AGGF1: variants seen among roughly 807,000 people sequenced by gnomAD.
The protein encoded by AGGF1 is angiogenic factor with G-patch and FHA domains 1, also known as angiogenic factor with G patch and FHA domains 1.
A neutral mutation model predicts 86.5 loss-of-function variants in AGGF1; 56 were observed. That is an observed-to-expected ratio of 0.65 (90% CI 0.52 to 0.81). The LOEUF (loss-of-function observed/expected upper bound fraction) is 0.81, where lower values mean the gene tolerates loss of function less well. AGGF1 is among the 30% of genes least tolerant of loss of function. The pLI, the probability that AGGF1 is intolerant of heterozygous loss-of-function variation, is 0.00. For synonymous variants in AGGF1, 313 were observed against 297.1 expected, an observed-to-expected ratio of 1.05 and a Z score of -0.55; for missense variants, 816 against 850.9, an observed-to-expected ratio of 0.96 and a Z score of 0.51.
At position 77,046,505 on chromosome 5, in the gene AGGF1, G is replaced by C. The variant is rs762865344; in HGVS notation, c.1029G>C (p.Glu343Asp). 1.4e-5 allele frequency: 22 copies of C among 1,613,906 alleles called. No homozygotes were observed. Among genetic ancestry groups the C allele is most frequent in the Non-Finnish European group, 1.8e-5 (21 of 1,179,972 alleles). Residue 343 changes from glutamate to aspartate, a missense_variant, in exon 6 of 14, where the codon GAG becomes GAC. Glu to Asp is a conservative substitution (Grantham distance 45, BLOSUM62 2). Around this residue, in one of 3 missense-constraint regions of AGGF1, gnomAD observed 565 missense variants for 585.8 expected, o/e 0.96. Coordinates refer to ENST00000312916, the MANE Select transcript of AGGF1 (RefSeq NM_018046.5). ...TTCCAACTAGTGGAAATACTATAGA[G>C]TCTCCTCTTCATGAAAACATCTCTA... ...VTVPTSGNTI[E>D]SPLHENISNS...
In AGGF1 at chr5:77,063,310, T is replaced by C; in HGVS notation, c.*58T>C. On this transcript the variant is annotated 3_prime_UTR_variant, in exon 14 of 14. Transcript: ENST00000312916. ...TTTAAAAATAGAATTTGGAAACTTA[T>C]TTTTTCTCCCCAAAAGAATCAGCAG... 1 of 1,504,342 alleles carries C rather than the reference T, an allele frequency of 6.6e-7. No individual in the cohort carries two copies. Among genetic ancestry groups the C allele is most frequent in the East Asian group, 2.4e-5 (1 of 42,506 alleles). The allele number at this position is 1,504,342 out of a possible 1,614,324, so 93.2% of individuals were successfully genotyped here.
At chr5:77,043,664 G>T (rs1747185484) in intron 5 of AGGF1, among the ~76,000 whole-genome samples, 1 of 142,756 alleles carries the variant, frequency 7.0e-6, no homozygotes, top group Non-Finnish European at 1.6e-5. Flanking sequence ...GGGGCGGCTG[G>T]CCGGGCGGGG....
chr5:77,049,117 G>T (rs1035310137), intron 8 of AGGF1, 130 bp downstream of exon 8: 24 of 790,574 alleles, frequency 3.0e-5, no homozygotes, highest in African/African-American at 2.3e-4. Flanking sequence ...GGTAATAAAG[G>T]CAGTGCAGAT....
chr5:77,032,293 C>T (rs1211467707), intron 1 of AGGF1, among the ~76,000 whole-genome samples: 1 of 143,200 alleles, frequency 7.0e-6, no homozygotes, highest in Non-Finnish European at 1.5e-5. Context: ...GGTGGCTGGG[C>T]GCGGTGGCTC....
intron 5 of AGGF1, among the ~76,000 whole-genome samples, chr5:77,044,877 A>G (rs970614929): frequency 2.6e-5 from 4 of 152,188 alleles, no homozygotes; most frequent in Non-Finnish European, 5.9e-5. Flanking sequence ...AGTCTGGCCA[A>G]CATGGTGAAA....
At chr5:77,039,161 C>G (rs2150728232) in intron 4 of AGGF1, among the ~76,000 whole-genome samples, 1 of 152,098 alleles carries the variant, frequency 6.6e-6, no homozygotes, top group Middle Eastern at 3.4e-3. Flanking sequence ...ATATGGTCAG[C>G]TTTTTCTTAT....
At chr5:77,043,596 C>T (rs1270048470) in intron 5 of AGGF1, among the ~76,000 whole-genome samples, 3 of 130,966 alleles carry the variant, frequency 2.3e-5, no homozygotes, top group African/African-American at 8.2e-5. Context: ...GACCCCCCCC[C>T]CCCCGGATGG....
At chr5:77,040,335 C>T (rs1747050846) in intron 5 of AGGF1, among the ~76,000 whole-genome samples, 2 of 151,800 alleles carry the variant, frequency 1.3e-5, no homozygotes, top group East Asian at 3.9e-4. Context: ...GTCTCGAACT[C>T]CTGACCTCAG....
chr5:77,034,504 T>C lies in AGGF1; in HGVS notation c.297T>C (p.Ala99=). The part of the protein sequence containing the change: ...SDVEVQTENH[A]PWSISDYFYQ... ...TAGAAGTACAAACAGAGAACCATGC[T>C]CCTTGGTCAATCTCAGGTATTTAGC... is the stretch of plus-strand genomic sequence containing the variant. Residue 99 remains alanine (A), a synonymous_variant, in exon 2 of 14, where the codon GCT becomes GCC. Transcript: ENST00000312916. 1 of 1,611,134 alleles carries C rather than the reference T, an allele frequency of 6.2e-7. No individual in the cohort carries two copies. Among genetic ancestry groups the C allele is most frequent in the Non-Finnish European group, 8.5e-7 (1 of 1,177,348 alleles).
At chr5:77,044,467 G>A (rs1287577759) in intron 5 of AGGF1, among the ~76,000 whole-genome samples, 1 of 152,182 alleles carries the variant, frequency 6.6e-6, no homozygotes, top group East Asian at 1.9e-4. Flanking sequence ...GAAGACAGTA[G>A]GGGAGATAGG....
chr5:77,050,306 C>CTTTTTTTTTTTT (rs10595061), intron 8 of AGGF1, among the ~76,000 whole-genome samples: 18 of 76,564 alleles, frequency 2.4e-4, no homozygotes, highest in Admixed American at 3.5e-4. Flanking sequence ...TTCTTTGTTT[C>CTTTTTTTTTTTT]TTTTTTTTTT....
At chr5:77,062,419 T>G (rs964795600) in intron 13 of AGGF1, among the ~76,000 whole-genome samples, 1 of 152,206 alleles carries the variant, frequency 6.6e-6, no homozygotes, top group African/African-American at 2.4e-5. Flanking sequence ...ACAAGGATTT[T>G]GTAGTCAGAC....
intron 4 of AGGF1, among the ~76,000 whole-genome samples, chr5:77,038,888 A>G (rs1160543010): frequency 1.3e-5 from 2 of 152,122 alleles, no homozygotes; most frequent in Non-Finnish European, 2.9e-5. Flanking sequence ...TAATTTGCCA[A>G]ATTCATTTAT....
intron 1 of AGGF1, 116 bp from the exon 2 acceptor site, chr5:77,034,301 GA>G (rs1474767282): frequency 2.7e-5 from 19 of 707,204 alleles, no homozygotes; most frequent in Non-Finnish European, 3.7e-5. Flanking sequence ...TTCTGAAAGG[GA>G]AACTTGCTGC....
chr5:77,061,251 A>T (rs1218176849), intron 12 of AGGF1, among the ~76,000 whole-genome samples: 1 of 152,192 alleles, frequency 6.6e-6, no homozygotes, highest in African/African-American at 2.4e-5. Context: ...TCCTCCCGAA[A>T]GGTAATCACC....
chr5:77,036,829 C>T (rs907589807), intron 4 of AGGF1, 109 bp downstream of exon 4: 38 of 1,235,482 alleles, frequency 3.1e-5, no homozygotes, highest in Non-Finnish European at 4.2e-5. Flanking sequence ...CTTTCACCCC[C>T]CAGGTTCAAG....
At chr5:77,053,544 G>T (rs1374715789) in intron 9 of AGGF1, among the ~76,000 whole-genome samples, 1 of 152,090 alleles carries the variant, frequency 6.6e-6, no homozygotes, top group Non-Finnish European at 1.5e-5. Flanking sequence ...AGGAAGGCGG[G>T]AGGCCTTATT....
At chr5:77,059,797 T>C in intron 12 of AGGF1, 54 bp downstream of exon 12, 1 of 1,605,206 alleles carries the variant, frequency 6.2e-7, no homozygotes, top group Non-Finnish European at 8.5e-7. Flanking sequence ...ATAACATTCA[T>C]AGGGTGGTCT....
In AGGF1 at chr5:77,046,486, C is replaced by T; in HGVS notation, c.1010C>T (p.Thr337Ile). 1 of 1,614,054 alleles carries T rather than the reference C, an allele frequency of 6.2e-7. No homozygotes were observed. The highest frequency in any genetic ancestry group is 8.5e-7 in the Non-Finnish European group (1 of 1,179,954). Residue 337 changes from threonine (T) to isoleucine (I), a missense_variant, in exon 6 of 14, where the codon ACT becomes ATT. Transcript: ENST00000312916. ...KNSPPKVTVP[T>I]SGNTIESPLH... ...AGTCCCCCCAAAGTCACTGTTCCAA[C>T]TAGTGGAAATACTATAGAGTCTCCT...
Sources: allele counts gnomAD v4.1 joint callset (sites outside exome capture counted in the v4.1 genomes callset), GRCh38; gene constraint gnomAD v4.1.1; regional missense constraint gnomAD v4.1.1; transcripts MANE v1.5; gene names NCBI Gene and HGNC (gene_info 2026-07-23, HGNC 2026-07-21).